Variants in HAO1 observed in about 807,000 individuals in gnomAD.
The protein encoded by HAO1 is 2-Hydroxyacid oxidase 1.
HAO1 carries 34 observed loss-of-function variants against 39.7 expected under a neutral mutation model. That is an observed-to-expected ratio of 0.86 (90% CI 0.65 to 1.14). The LOEUF is 1.14. Among genes scored for constraint, HAO1 ranks in the 50% most tolerant of loss-of-function variants. The pLI, the probability that HAO1 is intolerant of heterozygous loss-of-function variation, is 0.00. For synonymous variants in HAO1, 172 were observed against 173.2 expected, an observed-to-expected ratio of 0.99 and a Z score of 0.05; for missense variants, 479 against 464.5, an observed-to-expected ratio of 1.03 and a Z score of -0.29.
At chr20:7,914,112 C>A in intron 3 of HAO1, 52 bp downstream of exon 3, 1 of 1,600,328 alleles carries the variant, frequency 6.2e-7, no homozygotes. Context: ...CCCTAACATT[C>A]CCAGTCAAGA....
At chr20:7,899,776 G>A (rs1485238735) in intron 4 of HAO1, among the ~76,000 whole-genome samples, 1 of 152,072 alleles carries the variant, frequency 6.6e-6, no homozygotes, top group Non-Finnish European at 1.5e-5. Context: ...TAATGAAAGG[G>A]CCAAAATATT....
intron 5 of HAO1, among the ~76,000 whole-genome samples, 190 bp downstream of exon 5, chr20:7,894,943 C>T (rs2050189820): frequency 1.3e-5 from 2 of 152,172 alleles, no homozygotes; most frequent in South Asian, 4.1e-4. Context: ...GCTAATTAAA[C>T]ATAAATAAAT....
At chr20:7,928,435 C>G (rs1175750256) in intron 2 of HAO1, among the ~76,000 whole-genome samples, 1 of 151,506 alleles carries the variant, frequency 6.6e-6, no homozygotes, top group African/African-American at 2.4e-5. Flanking sequence ...AAAGATCATC[C>G]ACTTCTATGC....
intron 2 of HAO1, among the ~76,000 whole-genome samples, chr20:7,915,735 T>C (rs1297672456): frequency 6.6e-6 from 1 of 152,036 alleles, no homozygotes; most frequent in African/African-American, 2.4e-5. Flanking sequence ...AATATAGACA[T>C]AGAAAAATGT....
intron 5 of HAO1, among the ~76,000 whole-genome samples, chr20:7,888,148 A>G (rs1011877293): frequency 1.3e-5 from 2 of 152,152 alleles, no homozygotes; most frequent in Non-Finnish European, 2.9e-5. Flanking sequence ...AGATCCCTGT[A>G]TACTGTTGCT....
intron 4 of HAO1, among the ~76,000 whole-genome samples, chr20:7,900,740 G>T (rs181690371): frequency 1.3e-5 from 2 of 152,178 alleles, no homozygotes; most frequent in Admixed American, 1.3e-4. Flanking sequence ...CTCTACAATG[G>T]CTTCTAAGCG....
In HAO1 at chr20:7,906,266, A is replaced by G; in HGVS notation, c.609T>C (p.Ser203=). ...CTTTAGCCACATATGCAGCAAGTCCACTGTCGTCTCCAAAATTTTCCTCAG... is the reference window on the plus strand; with the variant it reads ...CTTTAGCCACATATGCAGCAAGTCCGCTGTCGTCTCCAAAATTTTCCTCAG... ...FSPEENFGDD[S]GLAAYVAKAI... is the part of the protein sequence containing the mutation. The change falls in exon 4 of 8, where the codon AGT becomes AGC. Residue 203 remains serine (S), a synonymous_variant. Coordinates refer to ENST00000378789, the MANE Select transcript of HAO1 (RefSeq NM_017545.3). The G allele has an allele frequency of 6.2e-7, 1 of 1,612,128 alleles. No individual in the cohort carries two copies. Among genetic ancestry groups the G allele is most frequent in the South Asian group, 1.1e-5 (1 of 91,034 alleles).
At chr20:7,929,824 A>T (rs905368421) in intron 2 of HAO1, among the ~76,000 whole-genome samples, 9 of 152,176 alleles carry the variant, frequency 5.9e-5, no homozygotes, top group Non-Finnish European at 1.3e-4. Flanking sequence ...AGATAGTGCC[A>T]CTGCACTCCA....
chr20:7,902,281 T>C (rs2050224315), intron 4 of HAO1, among the ~76,000 whole-genome samples: 1 of 152,208 alleles, frequency 6.6e-6, no homozygotes, highest in Admixed American at 6.5e-5. Flanking sequence ...AGTTAATCGA[T>C]GCATCAAACT....
rs552388607 is a variant in HAO1 at position 7,888,810 on chromosome 20, G to A, written c.814-2946C>T. Among the ~76,000 whole-genome samples, 6 of 152,288 alleles carry A rather than the reference G, an allele frequency of 3.9e-5. No homozygotes were observed. In the East Asian group the frequency reaches 5.8e-4, roughly 15 times the overall value. ...GAACTTATGATTTGCTTTCATCAGT[G>A]GAATTGAGAGAAGTGACAGGATGCC... On this transcript the variant is annotated intron_variant, in intron 5 of 7. Coordinates refer to ENST00000378789, the MANE Select transcript of HAO1 (RefSeq NM_017545.3).
At chr20:7,934,277 T>G (rs111296080) in intron 2 of HAO1, among the ~76,000 whole-genome samples, 45 of 152,210 alleles carry the variant, frequency 3.0e-4, no homozygotes, top group African/African-American at 9.9e-4. Context: ...AGGAAACCAA[T>G]GCAGAGAGAG....
At chr20:7,922,963 C>A (rs930144462) in intron 2 of HAO1, among the ~76,000 whole-genome samples, 1 of 152,094 alleles carries the variant, frequency 6.6e-6, no homozygotes, top group African/African-American at 2.4e-5. Context: ...AAAAGTTAAT[C>A]TCAGACCCAC....
In HAO1 at chr20:7,934,553, G is replaced by T. The variant is rs1057212214; in HGVS notation, c.220C>A (p.Pro74Thr). 6.2e-7 allele frequency: 1 copy of T among 1,613,124 alleles called. No individual in the cohort carries two copies. The highest frequency in any genetic ancestry group is 8.5e-7 in the Non-Finnish European group (1 of 1,179,226). Residue 74 changes from proline (P) to threonine (T), a missense_variant, in exon 2 of 8, where the codon CCA becomes ACA. Transcript: ENST00000378789. Reference sequence around the variant, plus strand: ...ATGGCCGTAGCCCCCACACATATTGGCATGCTGACCCTCTGTCCTAAAACA... The same window carrying T: ...ATGGCCGTAGCCCCCACACATATTGTCATGCTGACCCTCTGTCCTAAAACA... The part of the protein sequence containing the change: ...TSVLGQRVSM[P>T]ICVGATAMQR...
rs2050400459 is a variant in HAO1, at chr20:7,934,478, T to C, written c.289+6A>G. The C allele has an allele frequency of 3.7e-6, 6 of 1,606,716 alleles. No individual in the cohort carries two copies. Among genetic ancestry groups the C allele is most frequent in the South Asian group, 1.1e-5 (1 of 89,920 alleles). On this transcript the variant is annotated splice_donor_region_variant and intron_variant, in intron 2 of 7. Coordinates refer to ENST00000378789, the MANE Select transcript of HAO1 (RefSeq NM_017545.3). ...TCTGTCCCTGTGGTGACAATCTTCC[T>C]CCTACCTCTCACAGTGGCAAGCTCG...
chr20:7,917,200 C>T (rs140398872), intron 2 of HAO1, among the ~76,000 whole-genome samples: 30 of 152,058 alleles, frequency 2.0e-4, no homozygotes, highest in Middle Eastern at 3.4e-3. Flanking sequence ...ATTAGCTGGG[C>T]GTAGTGGCGC....
At chr20:7,884,114 G>C (rs1002233074) in intron 7 of HAO1, among the ~76,000 whole-genome samples, 1 of 152,134 alleles carries the variant, frequency 6.6e-6, no homozygotes, top group Non-Finnish European at 1.5e-5. Flanking sequence ...TCAAAAATGC[G>C]GTAGCTGATA....
intron 4 of HAO1, among the ~76,000 whole-genome samples, chr20:7,902,516 T>C (rs2205821): frequency 0.56 from 84,447 of 152,062 alleles, 26,285 homozygotes; most frequent in Non-Finnish European, 0.71. Flanking sequence ...CAAAATAGAC[T>C]ACAGTATAGC....
intron 3 of HAO1, 57 bp from the exon 4 acceptor site, chr20:7,906,386 T>A: frequency 1.1e-6 from 1 of 939,188 alleles, no homozygotes; most frequent in Non-Finnish European, 1.7e-6. Context: ...ACGTTTCCAA[T>A]GATTCATTCA....
rs1568514558 is a variant in HAO1 at position 7,909,383 on chromosome 20, A to ATATATATATATATATATATATATATATG, written c.546-3055_546-3054insCATATATATATATATATATATATATATA. ...GACATATATATATATATATATGTAT[A>ATATATATATATATATATATATATATATG]TATATATATATATATATATATGCTT... is the stretch of plus-strand genomic sequence containing the variant. On this transcript the variant is annotated intron_variant, in intron 3 of 7. Coordinates refer to ENST00000378789, the MANE Select transcript of HAO1 (RefSeq NM_017545.3). Among the ~76,000 whole-genome samples, 102 of 124,764 alleles carry ATATATATATATATATATATATATATATG rather than the reference A, an allele frequency of 8.2e-4. 1 individual carries two copies. The highest frequency in any genetic ancestry group is 3.4e-3 in the African/African-American group (98 of 29,118). 81.9% of individuals were successfully genotyped at this position (124,764 alleles called of 152,430 possible).
Sources: gnomAD v4.1 joint callset for allele counts (sites outside exome capture counted in the v4.1 genomes callset) on GRCh38, gnomAD v4.1.1 for gene constraint, MANE v1.5 for transcripts, NCBI Gene and HGNC (gene_info 2026-07-23, HGNC 2026-07-21) for gene names.